The following FRAS1 variants were observed in gnomAD, a reference collection of about 807,000 sequenced individuals.
FRAS1 encodes the protein extracellular matrix organizing protein FRAS1.
FRAS1 carries 290 observed loss-of-function variants against 435.2 expected under a neutral mutation model. The ratio of observed to expected loss-of-function variants is 0.67; its 90% CI spans 0.61 to 0.73. FRAS1 has a LOEUF of 0.73. FRAS1 is among the 30% of genes least tolerant of loss of function. The probability of loss-of-function intolerance (pLI) is 0.00; values close to 1 mark genes in which losing one functional copy is unlikely to be tolerated. For synonymous variants in FRAS1, 1,800 were observed against 1,851.0 expected, an observed-to-expected ratio of 0.97 and a Z score of 0.71; for missense variants, 4,860 against 5,001.5, an observed-to-expected ratio of 0.97 and a Z score of 0.85.
intron 56 of FRAS1, among the ~76,000 whole-genome samples, chr4:78,480,124 A>C (rs559537369): frequency 1.3e-5 from 2 of 152,234 alleles, no homozygotes; most frequent in East Asian, 3.9e-4. Context: ...TGTGCAATTA[A>C]ATTATTTTGA....
intron 2 of FRAS1, among the ~76,000 whole-genome samples, chr4:78,128,760 G>T (rs1056872521): frequency 3.3e-5 from 5 of 152,098 alleles, no homozygotes; most frequent in African/African-American, 1.2e-4. Flanking sequence ...TTAGTTTAAT[G>T]AGATCCCATT....
In FRAS1 at chr4:78,369,942, G is replaced by A. The variant is rs763104754; in HGVS notation, c.2827G>A (p.Ala943Thr). 2.8e-5 allele frequency: 45 copies of A among 1,613,664 alleles called. No individual in the cohort carries two copies. Among genetic ancestry groups the A allele is most frequent in the East Asian group, 4.5e-5 (2 of 44,872 alleles). ...TGGGGAATGTCAATACGAGAGCTGC[G>A]CCCCACAGTACTATCTTGACTTCTC... ...LFGECQYESC[A>T]PQYYLDFSTN... The change falls in exon 23 of 74, where the codon GCC becomes ACC. Residue 943 changes from alanine (A) to threonine (T), a missense_variant. Ala to Thr is a moderately conservative substitution (Grantham distance 58, BLOSUM62 0). Coordinates refer to ENST00000512123, the MANE Select transcript of FRAS1 (RefSeq NM_025074.7).
intron 2 of FRAS1, among the ~76,000 whole-genome samples, chr4:78,111,868 C>T (rs1295176298): frequency 1.3e-5 from 2 of 150,492 alleles, no homozygotes; most frequent in Admixed American, 6.6e-5. Flanking sequence ...GAGAATAAAA[C>T]ACATAGGAGA....
Position 78,359,025 on chromosome 4 carries a change from G to A in FRAS1, c.2423-4488G>A, listed in dbSNP as rs530878705. 1.8e-3 allele frequency among the ~76,000 whole-genome samples: 275 copies of A among 152,250 alleles called. 1 individual carries two copies. Among genetic ancestry groups the A allele is most frequent in the African/African-American group, 6.4e-3 (265 of 41,550 alleles). On this transcript the variant is annotated intron_variant, in intron 20 of 73. Transcript: ENST00000512123. ...GTCATCGTTAGTAGTTATTGACCCC[G>A]AACTACCATGCTGAGGGTGATTTTT...
intron 33 of FRAS1, among the ~76,000 whole-genome samples, chr4:78,420,701 C>G (rs1420357127): frequency 6.6e-6 from 1 of 151,828 alleles, no homozygotes; most frequent in Admixed American, 6.6e-5. Flanking sequence ...GCAGACCAAT[C>G]TGTGCCAGTT....
chr4:78,249,706 A>T (rs1208327120), intron 4 of FRAS1, among the ~76,000 whole-genome samples: 1 of 152,164 alleles, frequency 6.6e-6, no homozygotes, highest in Non-Finnish European at 1.5e-5. Context: ...TTTGAGTTAG[A>T]TAATAAATTT....
Position 78,075,506 on chromosome 4 carries a change from A to G in FRAS1, c.108+9490A>G, listed in dbSNP as rs555941521. ...TACCCTATAATCAGATATTGAACTC[A>G]GTACAAAGCAGTTTGGGATAAGTGT... On this transcript the variant is annotated intron_variant, in intron 2 of 73. Transcript: ENST00000512123. Among the ~76,000 whole-genome samples, 3 of 152,302 alleles carry G rather than the reference A, an allele frequency of 2.0e-5. No individual in the cohort carries two copies. The East Asian group carries it at 5.8e-4, about 29-fold the overall frequency.
Position 78,219,302 on chromosome 4 carries a change from A to T in FRAS1, c.109-18208A>T, listed in dbSNP as rs150693915. On this transcript the variant is annotated intron_variant, in intron 2 of 73. Coordinates refer to ENST00000512123, the MANE Select transcript of FRAS1 (RefSeq NM_025074.7). ...GCAAATGAATTCTATTTGAATTTTC[A>T]TGAGTATGTTTTATTTCACACCAAA... 6.0e-3 allele frequency among the ~76,000 whole-genome samples: 912 copies of T among 152,286 alleles called. 10 individuals are homozygous for T. Among genetic ancestry groups the T allele is most frequent in the Middle Eastern group, 0.031 (9 of 292 alleles).
At chr4:78,372,662 G>T in intron 23 of FRAS1, 56 bp from the exon 24 acceptor site, 1 of 1,600,342 alleles carries the variant, frequency 6.2e-7, no homozygotes, top group Non-Finnish European at 8.5e-7. Context: ...TAAATGAACT[G>T]CTGGGTCTGA....
intron 14 of FRAS1, among the ~76,000 whole-genome samples, chr4:78,293,823 G>C (rs1049781638): frequency 2.6e-5 from 4 of 152,162 alleles, no homozygotes. Context: ...CCTTTGCTTT[G>C]GCAGGAAGCT....
chr4:78,491,500 T>C (rs1242579715), intron 59 of FRAS1, among the ~76,000 whole-genome samples: 2 of 152,154 alleles, frequency 1.3e-5, no homozygotes, highest in Non-Finnish European at 2.9e-5. Context: ...TAGTTCAACA[T>C]ACGCAAATCA....
At chr4:78,375,703 T>G in intron 25 of FRAS1, 36 bp from the exon 26 acceptor site, 1 of 1,521,006 alleles carries the variant, frequency 6.6e-7, no homozygotes, top group Non-Finnish European at 8.8e-7. Flanking sequence ...GGTGTTGCCT[T>G]GATTGAGCCT....
chr4:78,392,820 A>T (rs1732503914), intron 29 of FRAS1, among the ~76,000 whole-genome samples: 1 of 151,996 alleles, frequency 6.6e-6, no homozygotes, highest in Non-Finnish European at 1.5e-5. Flanking sequence ...GAGATAAAAA[A>T]ATTCAAAATG....
In FRAS1 at chr4:78,522,684, G is replaced by A; in HGVS notation, c.10684G>A (p.Val3562Met). ...GATGGAGCATCACACTCTCCCAGAA[G>A]TGAAATCTTTCGTATTGACTCCAGA... ...FVMEHHTLPEVKSFVLTPDHL... is the reference protein window; with the variant it reads ...FVMEHHTLPEMKSFVLTPDHL... The change falls in exon 69 of 74, where the codon GTG becomes ATG. Residue 3562 changes from valine to methionine, a missense_variant. Transcript: ENST00000512123. The A allele has an allele frequency of 1.9e-6, 3 of 1,609,000 alleles. No homozygotes were observed. The highest frequency in any genetic ancestry group is 2.5e-6 in the Non-Finnish European group (3 of 1,177,410).
At chr4:78,148,984 AAG>A (rs1720527387) in intron 2 of FRAS1, among the ~76,000 whole-genome samples, 1 of 152,176 alleles carries the variant, frequency 6.6e-6, no homozygotes, top group Non-Finnish European at 1.5e-5. Context: ...CTTTTGGACA[AAG>A]AGTGTAATTC....
At chr4:78,372,204 G>A (rs533831077) in intron 23 of FRAS1, among the ~76,000 whole-genome samples, 1 of 152,164 alleles carries the variant, frequency 6.6e-6, no homozygotes, top group Non-Finnish European at 1.5e-5. Flanking sequence ...GACATCATTG[G>A]TTCTTTCTGT....
Position 78,267,378 on chromosome 4 carries a change from T to A in FRAS1, c.927T>A (p.Asp309Glu), listed in dbSNP as rs1726418208. 1.2e-6 allele frequency: 2 copies of A among 1,613,814 alleles called. No homozygotes were observed. The highest frequency in any genetic ancestry group is 2.2e-5 in the South Asian group (2 of 91,048). Reference protein sequence around the residue: ...KGSACEFCMCDHGQVTCQTGE... With the variant: ...KGSACEFCMCEHGQVTCQTGE... ...CGGCCTGTGAGTTCTGCATGTGTGA[T>A]CATGGCCAAGTGACCTGCCAGACTG... Residue 309 changes from aspartate (D) to glutamate (E), a missense_variant, in exon 9 of 74, where the codon GAT becomes GAA. By Grantham distance (45) the Asp-to-Glu change is conservative. Transcript: ENST00000512123.
rs1479283265 is a variant in FRAS1 at position 78,108,593 on chromosome 4, C to A, written c.108+42577C>A. 1.0e-4 allele frequency among the ~76,000 whole-genome samples: 10 copies of A among 95,314 alleles called. 1 individual carries two copies. The highest frequency in any genetic ancestry group is 1.7e-4 in the Non-Finnish European group (8 of 47,908). The allele number at this position is 95,314 out of a possible 152,430, so 62.5% of individuals were successfully genotyped here. On this transcript the variant is annotated intron_variant, in intron 2 of 73. Transcript: ENST00000512123. Reference sequence around the variant, plus strand: ...CATGCCAGAATCTCTGGGACACATTCAAAGCAGTGTGTAGAGGGAAATTTA... The same window carrying A: ...CATGCCAGAATCTCTGGGACACATTAAAAGCAGTGTGTAGAGGGAAATTTA...
At chr4:78,428,613 G>A (rs561740068) in intron 35 of FRAS1, among the ~76,000 whole-genome samples, 6 of 152,092 alleles carry the variant, frequency 3.9e-5, no homozygotes, top group East Asian at 3.9e-4. Flanking sequence ...GTGAGCCACT[G>A]TGCCCGGCCA....
Sources: allele counts gnomAD v4.1 joint callset (sites outside exome capture counted in the v4.1 genomes callset), GRCh38; gene constraint gnomAD v4.1.1; transcripts MANE v1.5; gene names NCBI Gene and HGNC (gene_info 2026-07-23, HGNC 2026-07-21).